The following KCNQ3 variants were observed in gnomAD, a reference collection of about 807,000 sequenced individuals.
KCNQ3 encodes potassium voltage-gated channel subfamily KQT member 3.
KCNQ3 carries 30 observed loss-of-function variants against 92.5 expected under a neutral mutation model. The observed-to-expected ratio is 0.32, with a 90% CI of 0.24 to 0.44. KCNQ3 has a LOEUF of 0.44. KCNQ3 is among the 20% of genes least tolerant of loss of function. KCNQ3 has a pLI of 1.00. For synonymous variants in KCNQ3, 450 were observed against 468.8 expected (o/e 0.96, Z 0.52); for missense variants, 913 against 1,140.3 (o/e 0.80, Z 2.87).
chr8:132,315,612 G>A (rs934220932), intron 1 of KCNQ3, among the ~76,000 whole-genome samples: 3 of 152,046 alleles, frequency 2.0e-5, no homozygotes, highest in African/African-American at 7.3e-5. Flanking sequence ...GAGATATAGG[G>A]TCTCTTCTAT....
Position 132,480,645 on chromosome 8 carries a change from T to C in KCNQ3, c.-113A>G. The C allele has an allele frequency of 9.4e-7, 1 of 1,066,992 alleles. No individual in the cohort carries two copies. The highest frequency in any genetic ancestry group is 1.2e-6 in the Non-Finnish European group (1 of 859,176). The allele number at this position is 1,066,992 out of a possible 1,614,324, so 66.1% of individuals were successfully genotyped here. Reference sequence around the variant, plus strand: ...GCGGCTGCAAGCCCGGGAACTCCAATGCCATGATCCGCGCGCCCCTCCCCA... The same window carrying C: ...GCGGCTGCAAGCCCGGGAACTCCAACGCCATGATCCGCGCGCCCCTCCCCA... On this transcript the variant is annotated 5_prime_UTR_variant, in exon 1 of 15. Transcript: ENST00000388996.
chr8:132,480,875 G>A lies in KCNQ3; in HGVS notation c.-343C>T, dbSNP rs867078674. On this transcript the variant is annotated 5_prime_UTR_variant, in exon 1 of 15. Coordinates refer to ENST00000388996, the MANE Select transcript of KCNQ3 (RefSeq NM_004519.4). ...CGGGAGCCTGGAACCGGCGCTCCGG[G>A]GCGGCGGCGGCGGCGGCGGCACCCA... 88 of 153,842 alleles carry A rather than the reference G, an allele frequency of 5.7e-4. No homozygotes were observed. Among genetic ancestry groups the A allele is most frequent in the Admixed American group, 3.0e-3 (45 of 15,014 alleles). The allele number at this position is 153,842 out of a possible 1,614,324, so 9.5% of individuals were successfully genotyped here.
chr8:132,275,248 A>C (rs1816286332), intron 1 of KCNQ3, among the ~76,000 whole-genome samples: 1 of 152,238 alleles, frequency 6.6e-6, no homozygotes, highest in Non-Finnish European at 1.5e-5. Context: ...AATAAAGAGA[A>C]AAAAGGATAT....
chr8:132,306,063 C>T lies in KCNQ3; in HGVS notation c.387-119882G>A, dbSNP rs538120856. Among the ~76,000 whole-genome samples, 7 of 152,262 alleles carry T rather than the reference C, an allele frequency of 4.6e-5. No individual in the cohort carries two copies. The South Asian group carries it at 1.0e-3, about 23-fold the overall frequency. On this transcript the variant is annotated intron_variant, in intron 1 of 14. Transcript: ENST00000388996. ...AATTTACAGATGCAGAAACCTAATT[C>T]ATCAGGTTAGGCAACTCGCCCAAGG...
At chr8:132,211,504 C>A (rs1048858911) in intron 1 of KCNQ3, among the ~76,000 whole-genome samples, 1 of 152,308 alleles carries the variant, frequency 6.6e-6, no homozygotes, top group South Asian at 2.1e-4. Context: ...TAGTTCAATA[C>A]TCTGATCTAT....
chr8:132,184,007 G>A (rs904660202), intron 3 of KCNQ3, among the ~76,000 whole-genome samples: 1 of 152,120 alleles, frequency 6.6e-6, no homozygotes. Context: ...ACCCTACCCT[G>A]CCAAATAAGA....
At chr8:132,335,558 G>A (rs1040942051) in intron 1 of KCNQ3, among the ~76,000 whole-genome samples, 17 of 152,136 alleles carry the variant, frequency 1.1e-4, no homozygotes, top group Non-Finnish European at 1.6e-4. Flanking sequence ...AGAGGGTGAC[G>A]GTACAGGGTG....
intron 14 of KCNQ3, among the ~76,000 whole-genome samples, chr8:132,130,271 G>A (rs975821182): frequency 5.3e-5 from 8 of 151,742 alleles, no homozygotes; most frequent in Non-Finnish European, 8.8e-5. Context: ...TAGTAGAGAC[G>A]GGGTTTCACA....
intron 1 of KCNQ3, among the ~76,000 whole-genome samples, chr8:132,251,905 T>C (rs1815423809): frequency 6.6e-6 from 1 of 152,230 alleles, no homozygotes; most frequent in African/African-American, 2.4e-5. Flanking sequence ...TCACTATATC[T>C]AATACAAGTG....
At chr8:132,145,245 A>G (rs1825418090) in intron 9 of KCNQ3, among the ~76,000 whole-genome samples, 1 of 152,258 alleles carries the variant, frequency 6.6e-6, no homozygotes. Context: ...TTGTATATAC[A>G]GGATCTAGCA....
At position 132,186,188 on chromosome 8, in the gene KCNQ3, G is replaced by A. The variant is rs772518571; in HGVS notation, c.387-7C>T. 2.5e-6 allele frequency: 4 copies of A among 1,605,924 alleles called. No homozygotes were observed. In the African/African-American group the frequency reaches 4.0e-5, roughly 16 times the overall value. ...CCCCAGGACAATCAGGAACCTAGAG[G>A]GGAAGAAAGAAATGGACTAAGGAAC... On this transcript the variant is annotated splice_region_variant and splice_polypyrimidine_tract_variant and intron_variant, in intron 1 of 14. Transcript: ENST00000388996.
intron 1 of KCNQ3, among the ~76,000 whole-genome samples, chr8:132,335,247 G>A (rs140959457): frequency 0.01 from 1,592 of 152,124 alleles, 34 homozygotes; most frequent in African/African-American, 0.037. Flanking sequence ...CACCACGGTG[G>A]CCAGCCTGGT....
chr8:132,303,599 ATGGTGTG>A (rs1563849761), intron 1 of KCNQ3, among the ~76,000 whole-genome samples: 33 of 28,058 alleles, frequency 1.2e-3, no homozygotes, highest in Admixed American at 2.4e-3. Flanking sequence ...GTATATATAT[ATGGTGTG>A]TATATATATA....
chr8:132,303,587 G>T (rs1232865790), intron 1 of KCNQ3, among the ~76,000 whole-genome samples: 1 of 23,804 alleles, frequency 4.2e-5, no homozygotes, highest in South Asian at 1.6e-3. Flanking sequence ...TATGGTGTGT[G>T]TGTATATATA....
At position 132,134,163 on chromosome 8, in the gene KCNQ3, CTT is replaced by C. The variant is rs926194521; in HGVS notation, c.1799+125_1799+126del. ...CACCAACTGAAACAAGCTTCAAACT[CTT>C]TCTTCATTTTACTTAGGAGAGTGAC... On this transcript the variant is annotated intron_variant, in intron 13 of 14. Transcript: ENST00000388996. The C allele has an allele frequency of 2.0e-5, 15 of 759,682 alleles. No individual in the cohort carries two copies. The African/African-American group carries it at 2.6e-4, about 13-fold the overall frequency. 47.1% of individuals were successfully genotyped at this position (759,682 alleles called of 1,614,324 possible).
intron 1 of KCNQ3, among the ~76,000 whole-genome samples, chr8:132,422,823 G>C (rs1476596292): frequency 6.6e-6 from 1 of 152,190 alleles, no homozygotes; most frequent in East Asian, 1.9e-4. Context: ...CGTAAGCTTA[G>C]GCCTGAAGAA....
chr8:132,268,748 G>A (rs1247276180), intron 1 of KCNQ3, among the ~76,000 whole-genome samples: 3 of 152,172 alleles, frequency 2.0e-5, no homozygotes, highest in African/African-American at 7.2e-5. Context: ...TAAATACTGA[G>A]GAGCACAATT....
chr8:132,182,882 G>GCGCACACA (rs1491176964), intron 3 of KCNQ3, among the ~76,000 whole-genome samples: 4 of 145,992 alleles, frequency 2.7e-5, no homozygotes, highest in African/African-American at 1.0e-4. Flanking sequence ...CTCCAATATC[G>GCGCACACA]CACACACACA....
intron 1 of KCNQ3, among the ~76,000 whole-genome samples, chr8:132,400,510 C>A (rs1186237782): frequency 6.6e-6 from 1 of 152,228 alleles, no homozygotes; most frequent in Non-Finnish European, 1.5e-5. Context: ...TCAGCAAGAG[C>A]ACGGAGCCAG....
Sources: gnomAD v4.1 joint callset for allele counts (sites outside exome capture counted in the v4.1 genomes callset) on GRCh38, gnomAD v4.1.1 for gene constraint, MANE v1.5 for transcripts, NCBI Gene and HGNC (gene_info 2026-07-23, HGNC 2026-07-21) for gene names.